The following COL28A1 variants were observed in gnomAD, a reference collection of about 807,000 sequenced individuals.
COL28A1 encodes the protein collagen alpha-1(XXVIII) chain.
Under a neutral mutation model 150.2 loss-of-function variants are expected in COL28A1, and 161 were observed. The observed-to-expected ratio is 1.07, with a 90% CI of 0.94 to 1.22. COL28A1 has a LOEUF of 1.22. Ranked by LOEUF, COL28A1 falls within the 50% of genes most tolerant of loss-of-function variation. The pLI is 0.00. For synonymous variants in COL28A1, 552 were observed against 469.7 expected (o/e 1.18, Z -2.26); for missense variants, 1,617 against 1,388.3 (o/e 1.16, Z -2.62).
chr7:7,483,151 C>G (rs901975638), intron 13 of COL28A1, among the ~76,000 whole-genome samples: 9 of 152,252 alleles, frequency 5.9e-5, no homozygotes, highest in African/African-American at 2.2e-4. Context: ...CTCCTTATGA[C>G]TTACAATGGG....
At chr7:7,392,596 C>T (rs191639686) in intron 27 of COL28A1, among the ~76,000 whole-genome samples, 5 of 152,188 alleles carry the variant, frequency 3.3e-5, no homozygotes, top group Non-Finnish European at 7.4e-5. Flanking sequence ...TTCTCAATGT[C>T]ACTTTCAGGT....
the COL28A1 span, among the ~76,000 whole-genome samples, chr7:7,347,039 T>C: frequency 6.6e-6 from 1 of 152,128 alleles, no homozygotes; most frequent in Non-Finnish European, 1.5e-5. Context: ...AGACATGAAT[T>C]AAGAAACCTG....
intron 16 of COL28A1, among the ~76,000 whole-genome samples, chr7:7,455,484 C>T (rs1288869540): frequency 6.6e-6 from 1 of 152,318 alleles, no homozygotes; most frequent in East Asian, 1.9e-4. Context: ...CTTTTCTTCT[C>T]ACCAAGAGGG....
intron 21 of COL28A1, among the ~76,000 whole-genome samples, chr7:7,437,967 G>A (rs1017725643): frequency 6.7e-6 from 1 of 149,390 alleles, no homozygotes; most frequent in African/African-American, 2.5e-5. Flanking sequence ...GGGTGTGGTG[G>A]CTCACACCTG....
chr7:7,449,447 T>C (rs1240149867), intron 18 of COL28A1, among the ~76,000 whole-genome samples: 2 of 151,788 alleles, frequency 1.3e-5, no homozygotes, highest in Admixed American at 6.6e-5. Context: ...TCAGCAAACA[T>C]CACACTTAAG....
Position 7,358,140 on chromosome 7 carries a change from T to A in COL28A1, c.*493A>T, listed in dbSNP as rs896818960. On this transcript the variant is annotated 3_prime_UTR_variant, in exon 35 of 35. Coordinates refer to ENST00000399429, the MANE Select transcript of COL28A1 (RefSeq NM_001037763.3). ...ACCATCCCGACTCCTATCCCAGCACTCCTGCGTAAACATTTACATCATTTC... is the reference window on the plus strand; with the variant it reads ...ACCATCCCGACTCCTATCCCAGCACACCTGCGTAAACATTTACATCATTTC... 5.9e-5 allele frequency: 9 copies of A among 152,298 alleles called. No individual in the cohort carries two copies. Among genetic ancestry groups the A allele is most frequent in the African/African-American group, 2.2e-4 (9 of 41,430 alleles). 9.4% of individuals were successfully genotyped at this position (152,298 alleles called of 1,614,324 possible).
intron 27 of COL28A1, among the ~76,000 whole-genome samples, chr7:7,381,936 A>G (rs1251732241): frequency 6.6e-6 from 1 of 152,130 alleles, no homozygotes; most frequent in Non-Finnish European, 1.5e-5. Context: ...CACATAACAG[A>G]TAGCTGCTAT....
In COL28A1 at chr7:7,456,028, A is replaced by C. The variant is rs780545224; in HGVS notation, c.1371+16T>G. ...AATGTTCTGCACTGAAGGGAAAGGA[A>C]GAATGCATTAATTACCTGTTCCCCT... On this transcript the variant is annotated intron_variant, in intron 16 of 34. Transcript: ENST00000399429. 1 of 1,613,654 alleles carries C rather than the reference A, an allele frequency of 6.2e-7. No individual in the cohort carries two copies. The highest frequency in any genetic ancestry group is 8.5e-7 in the Non-Finnish European group (1 of 1,179,806).
chr7:7,490,550 C>T lies in COL28A1; in HGVS notation c.1095+28G>A, dbSNP rs1779859400. On this transcript the variant is annotated intron_variant, in intron 12 of 34. Transcript: ENST00000399429. ...GCCCTACAATAAATTCAACAGTCATCAGTGGGCAAAAAGACAAGTATCTTT... is the reference window on the plus strand; with the variant it reads ...GCCCTACAATAAATTCAACAGTCATTAGTGGGCAAAAAGACAAGTATCTTT... 3.1e-6 allele frequency: 3 copies of T among 955,996 alleles called. No homozygotes were observed. The South Asian group carries it at 4.0e-5, about 13-fold the overall frequency. 59.2% of individuals were successfully genotyped at this position (955,996 alleles called of 1,614,324 possible).
intron 11 of COL28A1, 65 bp downstream of exon 11, chr7:7,505,949 A>C: frequency 1.2e-6 from 1 of 848,050 alleles, no homozygotes; most frequent in South Asian, 1.4e-5. Context: ...CTAATAAAAC[A>C]TACATTACTA....
chr7:7,498,012 G>T (rs929150862), intron 11 of COL28A1, among the ~76,000 whole-genome samples: 1 of 152,066 alleles, frequency 6.6e-6, no homozygotes, highest in Admixed American at 6.5e-5. Context: ...AGCAGAAAAA[G>T]ACTCCATAAT....
chr7:7,356,754 G>A (rs1184159594), downstream of COL28A1: 1 of 152,098 alleles, frequency 6.6e-6, no homozygotes, highest in East Asian at 1.9e-4. Flanking sequence ...TAAATGACGA[G>A]TTAATGGGTG....
At chr7:7,340,815 A>C in the COL28A1 span, among the ~76,000 whole-genome samples, 2 of 152,206 alleles carry the variant, frequency 1.3e-5, no homozygotes, top group Non-Finnish European at 2.9e-5. Flanking sequence ...GAAAAGAAAA[A>C]AATGTACATT....
intron 25 of COL28A1, among the ~76,000 whole-genome samples, chr7:7,423,989 T>C (rs1042844875): frequency 6.6e-6 from 1 of 152,224 alleles, no homozygotes; most frequent in Non-Finnish European, 1.5e-5. Flanking sequence ...TCCTTCAGTG[T>C]TCACCTAAAA....
intron 11 of COL28A1, among the ~76,000 whole-genome samples, chr7:7,505,006 G>C (rs977430610): frequency 2.0e-5 from 3 of 152,166 alleles, no homozygotes; most frequent in Non-Finnish European, 4.4e-5. Flanking sequence ...TTTCCCCAGA[G>C]AGAATTAATC....
intron 18 of COL28A1, among the ~76,000 whole-genome samples, chr7:7,448,455 AAAT>A (rs1172928636): frequency 7.9e-5 from 12 of 151,718 alleles, no homozygotes; most frequent in Admixed American, 5.9e-4. Flanking sequence ...TAACCAGAAA[AAAT>A]AATAAGCAAA....
At chr7:7,531,993 T>C in intron 2 of COL28A1, 89 bp from the exon 3 acceptor site, 2 of 746,476 alleles carry the variant, frequency 2.7e-6, no homozygotes, top group South Asian at 1.8e-5. Context: ...GTGTGTTGTA[T>C]ATTGTTTGGT....
intron 8 of COL28A1, 49 bp from the exon 9 acceptor site, chr7:7,511,184 A>G (rs1165969845): frequency 7.3e-7 from 1 of 1,371,392 alleles, no homozygotes; most frequent in Non-Finnish European, 1.0e-6. Context: ...GCAGTCATTC[A>G]CTATTAAGAA....
intron 5 of COL28A1, among the ~76,000 whole-genome samples, chr7:7,520,982 G>C (rs931092471): frequency 1.8e-4 from 27 of 152,152 alleles, no homozygotes; most frequent in African/African-American, 6.0e-4. Flanking sequence ...TTGGTAGGAT[G>C]GTTTGAAAAA....
Sources: allele counts gnomAD v4.1 joint callset (sites outside exome capture counted in the v4.1 genomes callset), GRCh38; gene constraint gnomAD v4.1.1; transcripts MANE v1.5; gene names NCBI Gene and HGNC (gene_info 2026-07-23, HGNC 2026-07-21).